Variants in COL14A1 observed in about 807,000 individuals in gnomAD.
COL14A1 encodes the protein collagen alpha-1(XIV) chain.
A neutral mutation model predicts 230.3 loss-of-function variants in COL14A1; 136 were observed. The observed-to-expected ratio is 0.59, with a 90% CI of 0.51 to 0.68. COL14A1 has a LOEUF of 0.68. Among genes scored for constraint, COL14A1 ranks in the 30% least tolerant of loss-of-function variants. The probability of loss-of-function intolerance (pLI) is 0.00; values close to 1 mark genes in which losing one functional copy is unlikely to be tolerated. For missense variants in COL14A1, 1,976 were observed against 2,215.8 expected, an observed-to-expected ratio of 0.89 and a Z score of 2.17; for synonymous variants, 792 against 784.1, an observed-to-expected ratio of 1.01 and a Z score of -0.17.
In COL14A1 at chr8:120,249,288, A is replaced by G. The variant is rs552317164; in HGVS notation, c.2603-1329A>G. Among the ~76,000 whole-genome samples the G allele has an allele frequency of 1.5e-3, 230 of 151,884 alleles. 1 individual carries two copies. The highest frequency in any genetic ancestry group is 5.1e-3 in the African/African-American group (213 of 41,422). Reference sequence around the variant, plus strand: ...TTTTCAGCCTTTTCTATTGTGCCTCATTATCCAGGTGCTATTGTCTTCAGG... The same window carrying G: ...TTTTCAGCCTTTTCTATTGTGCCTCGTTATCCAGGTGCTATTGTCTTCAGG... On this transcript the variant is annotated intron_variant, in intron 21 of 47. Coordinates refer to ENST00000297848, the MANE Select transcript of COL14A1 (RefSeq NM_021110.4).
intron 14 of COL14A1, among the ~76,000 whole-genome samples, chr8:120,221,481 A>G (rs550037825): frequency 6.6e-6 from 1 of 152,248 alleles, no homozygotes; most frequent in South Asian, 2.1e-4. Flanking sequence ...ATCAATGCTG[A>G]AATTATGTAA....
intron 23 of COL14A1, among the ~76,000 whole-genome samples, chr8:120,262,020 G>T (rs17833361): frequency 6.6e-6 from 1 of 152,092 alleles, no homozygotes; most frequent in Non-Finnish European, 1.5e-5. Context: ...CCATGGACCA[G>T]GGCTTCTGAG....
chr8:120,247,885 T>G, intron 21 of COL14A1, 150 bp downstream of exon 21: 3 of 926,564 alleles, frequency 3.2e-6, no homozygotes, highest in South Asian at 3.5e-5. Flanking sequence ...AAAAATAAAG[T>G]GTTTTAGTAT....
At chr8:120,210,862 G>A (rs1046093034) in intron 12 of COL14A1, among the ~76,000 whole-genome samples, 1 of 151,986 alleles carries the variant, frequency 6.6e-6, no homozygotes, top group African/African-American at 2.4e-5. Flanking sequence ...TATTTCCAAG[G>A]CTTAGATGGC....
chr8:120,255,300 A>C lies in COL14A1; in HGVS notation c.2813A>C (p.His938Pro). Residue 938 changes from histidine (H) to proline (P), a missense_variant, in exon 23 of 48, where the codon CAC (histidine) becomes CCC (proline). Transcript: ENST00000297848. ...KHVEMTSLCA[H>P]WQVHRHATAY... The stretch of plus-strand genomic sequence containing the variant: ...GTTGAAATGACCAGCTTGTGTGCCC[A>C]CTGGCAGGTACATCGCCATGCCACA... 1 of 1,614,188 alleles carries C rather than the reference A, an allele frequency of 6.2e-7. No homozygotes were observed. The highest frequency in any genetic ancestry group is 8.5e-7 in the Non-Finnish European group (1 of 1,180,008).
At chr8:120,145,682 T>C (rs369803611) in intron 1 of COL14A1, among the ~76,000 whole-genome samples, 2 of 152,150 alleles carry the variant, frequency 1.3e-5, no homozygotes, top group East Asian at 1.9e-4. Flanking sequence ...CAATTGGGAA[T>C]TTAGCCAAAG....
intron 23 of COL14A1, among the ~76,000 whole-genome samples, chr8:120,257,942 C>T (rs925672590): frequency 3.3e-5 from 5 of 152,182 alleles, no homozygotes; most frequent in Non-Finnish European, 7.3e-5. Context: ...ACTGTAACCA[C>T]AACCGCTGGT....
Position 120,289,681 on chromosome 8 carries a change from A to G in COL14A1, c.4151A>G (p.Asn1384Ser), listed in dbSNP as rs764459222. 2 of 1,614,132 alleles carry G rather than the reference A, an allele frequency of 1.2e-6. No individual in the cohort carries two copies. Among genetic ancestry groups the G allele is most frequent in the Admixed American group, 3.3e-5 (2 of 60,020 alleles). ...AAGCAAGTGGGTGAGAAGGCAATGA[A>G]CGCATCAGCTAATATCACGTCAGAT... ...DCKQVGEKAMNASANITSDGV... is the reference protein window; with the variant it reads ...DCKQVGEKAMSASANITSDGV... The change falls in exon 34 of 48, where the codon AAC becomes AGC. Residue 1384 changes from asparagine to serine, a missense_variant. Asn to Ser is a conservative substitution (Grantham distance 46). Coordinates refer to ENST00000297848, the MANE Select transcript of COL14A1 (RefSeq NM_021110.4).
At chr8:120,127,138 C>T (rs1192412516) in intron 1 of COL14A1, among the ~76,000 whole-genome samples, 3 of 152,206 alleles carry the variant, frequency 2.0e-5, no homozygotes, top group Non-Finnish European at 2.9e-5. Flanking sequence ...CTATTTCGGA[C>T]ATTTCATATA....
intron 19 of COL14A1, among the ~76,000 whole-genome samples, chr8:120,241,739 G>A (rs748650290): frequency 1.3e-5 from 2 of 152,116 alleles, no homozygotes; most frequent in African/African-American, 2.4e-5. Flanking sequence ...GGTTCAAGTG[G>A]TGCAGTCATG....
At chr8:120,177,124 C>T (rs943025916) in intron 5 of COL14A1, among the ~76,000 whole-genome samples, 8 of 152,042 alleles carry the variant, frequency 5.3e-5, no homozygotes, top group Admixed American at 5.2e-4. Context: ...CCTGCCCACT[C>T]AAGAAATTAA....
chr8:120,132,944 G>A (rs1390399477), intron 1 of COL14A1, among the ~76,000 whole-genome samples: 2 of 152,114 alleles, frequency 1.3e-5, no homozygotes, highest in African/African-American at 2.4e-5. Flanking sequence ...CCGGCCGGGC[G>A]CGGTGGCTCA....
intron 10 of COL14A1, among the ~76,000 whole-genome samples, 173 bp downstream of exon 10, chr8:120,207,267 T>C (rs1036142602): frequency 5.3e-5 from 8 of 152,238 alleles, no homozygotes; most frequent in African/African-American, 1.4e-4. Context: ...CTCTGAGTTA[T>C]GGCAATTACA....
chr8:120,159,976 G>A (rs913432988), intron 3 of COL14A1, among the ~76,000 whole-genome samples: 18 of 152,288 alleles, frequency 1.2e-4, no homozygotes, highest in Admixed American at 2.6e-4. Flanking sequence ...ACAGGTGTGA[G>A]CTATCACGCC....
intron 5 of COL14A1, among the ~76,000 whole-genome samples, chr8:120,188,320 G>A (rs1816708226): frequency 6.6e-6 from 1 of 152,116 alleles, no homozygotes; most frequent in Non-Finnish European, 1.5e-5. Flanking sequence ...GACCTCAGGT[G>A]ATCCACCCAT....
At chr8:120,145,210 C>G (rs1586714094) in intron 1 of COL14A1, among the ~76,000 whole-genome samples, 1 of 152,208 alleles carries the variant, frequency 6.6e-6, no homozygotes, top group East Asian at 1.9e-4. Flanking sequence ...TTGAAAACAA[C>G]CTCTGTGATG....
intron 36 of COL14A1, among the ~76,000 whole-genome samples, chr8:120,304,472 C>T (rs1820801921): frequency 6.6e-6 from 1 of 152,240 alleles, no homozygotes; most frequent in South Asian, 2.1e-4. Flanking sequence ...CAAAGAACTT[C>T]TTGACCCTGC....
chr8:120,196,958 A>G lies in COL14A1; in HGVS notation c.592+12A>G, dbSNP rs749325378. Reference sequence around the variant, plus strand: ...GAAGACACGAATTGGTATAATTTCTATTATTAGCAGTAGCAGTCAGTTGTC... The same window carrying G: ...GAAGACACGAATTGGTATAATTTCTGTTATTAGCAGTAGCAGTCAGTTGTC... On this transcript the variant is annotated intron_variant, in intron 6 of 47. Transcript: ENST00000297848. 4.3e-6 allele frequency: 7 copies of G among 1,612,766 alleles called. No individual in the cohort carries two copies. In the Middle Eastern group the frequency reaches 5.0e-4, roughly 114 times the overall value.
rs371984919 is a variant in COL14A1, at chr8:120,321,706, T to A, written c.4659+5709T>A. Among the ~76,000 whole-genome samples the A allele has an allele frequency of 5.9e-5, 9 of 152,152 alleles. No homozygotes were observed. The East Asian group carries it at 1.4e-3, about 23-fold the overall frequency. ...TGGGACACAGGCATGGTACAAATAG[T>A]AACATCTGCTTTGCACCCTGGTTCT... On this transcript the variant is annotated intron_variant, in intron 40 of 47. Transcript: ENST00000297848.
Sources: allele counts gnomAD v4.1 joint callset (sites outside exome capture counted in the v4.1 genomes callset), GRCh38; gene constraint gnomAD v4.1.1; transcripts MANE v1.5; gene names NCBI Gene and HGNC (gene_info 2026-07-23, HGNC 2026-07-21).